Variants in FHOD3 observed in about 807,000 individuals in gnomAD.
FHOD3 encodes the protein formin homology 2 domain containing 3, also known as FH1/FH2 domain-containing protein 3.
A neutral mutation model predicts 173.0 loss-of-function variants in FHOD3; 90 were observed. The ratio of observed to expected loss-of-function variants is 0.52; its 90% CI spans 0.44 to 0.62. The LOEUF is 0.62. FHOD3 is among the 20% of genes least tolerant of loss of function. The probability of loss-of-function intolerance (pLI) is 0.00; values close to 1 mark genes in which losing one functional copy is unlikely to be tolerated. For synonymous variants in FHOD3, 828 were observed against 823.0 expected (o/e 1.01, Z -0.10); for missense variants, 1,945 against 2,034.7 (o/e 0.96, Z 0.85).
At chr18:36,589,649 C>T (rs2059146131) in intron 6 of FHOD3, among the ~76,000 whole-genome samples, 1 of 152,174 alleles carries the variant, frequency 6.6e-6, no homozygotes, top group Admixed American at 6.5e-5. Flanking sequence ...GCCAGTCCAC[C>T]CTCTGCAGGC....
intron 1 of FHOD3, among the ~76,000 whole-genome samples, chr18:36,316,127 A>T (rs1189997578): frequency 6.6e-6 from 1 of 151,548 alleles, no homozygotes; most frequent in East Asian, 1.9e-4. Context: ...CTCTCATTAA[A>T]AAAAAAAAAA....
At chr18:36,372,617 A>G in intron 2 of FHOD3, 63 bp from the exon 3 acceptor site, 1 of 1,406,926 alleles carries the variant, frequency 7.1e-7, no homozygotes, top group Middle Eastern at 1.8e-4. Context: ...ACGTGGATTG[A>G]CAGCATGTGA....
chr18:36,606,974 C>G (rs971941269), intron 8 of FHOD3, among the ~76,000 whole-genome samples: 29 of 152,250 alleles, frequency 1.9e-4, no homozygotes, highest in South Asian at 1.0e-3. Flanking sequence ...AACCCCATCC[C>G]TATGGCTTTG....
At chr18:36,334,670 C>T (rs916293437) in intron 1 of FHOD3, among the ~76,000 whole-genome samples, 1 of 152,146 alleles carries the variant, frequency 6.6e-6, no homozygotes, top group Admixed American at 6.5e-5. Flanking sequence ...GGTTGGCTTT[C>T]CTGAGGGACA....
intron 3 of FHOD3, among the ~76,000 whole-genome samples, chr18:36,391,841 G>C (rs570493265): frequency 5.9e-5 from 9 of 152,282 alleles, no homozygotes; most frequent in Admixed American, 2.0e-4. Context: ...CCCTGACTGT[G>C]TTGGTGCCTC....
intron 17 of FHOD3, among the ~76,000 whole-genome samples, chr18:36,705,224 C>T (rs2039807481): frequency 6.6e-6 from 1 of 152,224 alleles, no homozygotes; most frequent in Admixed American, 6.5e-5. Context: ...GCCCTGGCCC[C>T]TGACAACCAC....
chr18:36,635,465 G>C (rs1048143729), intron 10 of FHOD3, among the ~76,000 whole-genome samples: 1 of 152,328 alleles, frequency 6.6e-6, no homozygotes, highest in South Asian at 2.1e-4. Context: ...GGGAGAGCAG[G>C]CTGCACAAAG....
chr18:36,418,339 G>A (rs1461274450), intron 3 of FHOD3, among the ~76,000 whole-genome samples: 1 of 152,218 alleles, frequency 6.6e-6, no homozygotes, highest in Non-Finnish European at 1.5e-5. Context: ...AGATTTAGGG[G>A]TGGAAAGTTT....
chr18:36,602,194 T>A (rs1320382291), intron 7 of FHOD3, among the ~76,000 whole-genome samples: 3 of 152,248 alleles, frequency 2.0e-5, no homozygotes, highest in Non-Finnish European at 4.4e-5. Context: ...GGAGTAGATG[T>A]AATATACTTC....
At chr18:36,478,790 G>A (rs1280031503) in intron 3 of FHOD3, among the ~76,000 whole-genome samples, 1 of 151,946 alleles carries the variant, frequency 6.6e-6, no homozygotes, top group Non-Finnish European at 1.5e-5. Flanking sequence ...GTTACTCCTG[G>A]TAATCTTCCA....
intron 5 of FHOD3, among the ~76,000 whole-genome samples, chr18:36,537,379 G>T (rs1302127482): frequency 6.6e-6 from 1 of 152,124 alleles, no homozygotes; most frequent in African/African-American, 2.4e-5. Flanking sequence ...TCTCCATGCT[G>T]TTCTCAGATG....
chr18:36,658,663 G>T (rs2036581312), intron 14 of FHOD3, among the ~76,000 whole-genome samples: 1 of 152,158 alleles, frequency 6.6e-6, no homozygotes, highest in South Asian at 2.1e-4. Context: ...ATTTAACTTG[G>T]CAAGAGTATT....
At chr18:36,341,194 G>A (rs1001743985) in intron 1 of FHOD3, among the ~76,000 whole-genome samples, 1 of 152,164 alleles carries the variant, frequency 6.6e-6, no homozygotes, top group Non-Finnish European at 1.5e-5. Flanking sequence ...ATCCTCATAG[G>A]CTTGAGTGAA....
intron 10 of FHOD3, among the ~76,000 whole-genome samples, chr18:36,647,465 G>C (rs980078087): frequency 6.6e-6 from 1 of 152,098 alleles, no homozygotes; most frequent in Non-Finnish European, 1.5e-5. Flanking sequence ...ATCTTGGCAA[G>C]AATGTAAAAC....
intron 26 of FHOD3, 43 bp downstream of exon 26, chr18:36,759,184 C>T: frequency 6.6e-7 from 1 of 1,517,482 alleles, no homozygotes; most frequent in Non-Finnish European, 8.9e-7. Flanking sequence ...ATTTTACCAC[C>T]TCATGTATGC....
At chr18:36,685,226 T>G (rs1455949315) in intron 15 of FHOD3, among the ~76,000 whole-genome samples, 2 of 152,240 alleles carry the variant, frequency 1.3e-5, no homozygotes, top group African/African-American at 4.8e-5. Context: ...GCTCTTGATT[T>G]CAAGTGATTC....
chr18:36,385,678 G>A (rs190366192), intron 3 of FHOD3, among the ~76,000 whole-genome samples: 246 of 152,364 alleles, frequency 1.6e-3, no homozygotes, highest in African/African-American at 5.7e-3. Context: ...TGGGATTACA[G>A]GCGTGAGCCA....
intron 5 of FHOD3, among the ~76,000 whole-genome samples, chr18:36,541,493 T>G (rs117800306): frequency 0.034 from 5,234 of 152,140 alleles, 125 homozygotes; most frequent in Non-Finnish European, 0.048. Flanking sequence ...ATCCTGTCAC[T>G]GCTCCAGCCT....
intron 3 of FHOD3, among the ~76,000 whole-genome samples, chr18:36,419,630 G>A (rs1301526650): frequency 3.3e-5 from 5 of 152,302 alleles, no homozygotes. Context: ...CTGCATCTGT[G>A]CTGACACTGG....
Sources: gnomAD v4.1 joint callset for allele counts (sites outside exome capture counted in the v4.1 genomes callset) on GRCh38, gnomAD v4.1.1 for gene constraint, MANE v1.5 for transcripts, NCBI Gene and HGNC (gene_info 2026-07-23, HGNC 2026-07-21) for gene names.